The following USP3 variants were observed in gnomAD, a reference collection of about 807,000 sequenced individuals.
USP3 encodes ubiquitin carboxyl-terminal hydrolase 3.
USP3 carries 20 observed loss-of-function variants against 72.3 expected under a neutral mutation model. The observed-to-expected ratio is 0.28, with a 90% CI of 0.19 to 0.40. The LOEUF (loss-of-function observed/expected upper bound fraction) is 0.40, where lower values mean the gene tolerates loss of function less well. Among genes scored for constraint, USP3 ranks in the 10% least tolerant of loss-of-function variants. The pLI is 1.00. For missense variants in USP3, 479 were observed against 633.9 expected (o/e 0.76, Z 2.62); for synonymous variants, 222 against 225.3 (o/e 0.99, Z 0.13).
intron 1 of USP3, among the ~76,000 whole-genome samples, chr15:63,511,777 T>A (rs1308685114): frequency 6.6e-6 from 1 of 152,140 alleles, no homozygotes; most frequent in African/African-American, 2.4e-5. Context: ...AAGGAGAGAA[T>A]TCTTAAGGTA....
Position 63,504,643 on chromosome 15 carries a change from G to C in USP3, c.-97G>C. 1 of 1,104,176 alleles carries C rather than the reference G, an allele frequency of 9.1e-7. No individual in the cohort carries two copies. Among genetic ancestry groups the C allele is most frequent in the Non-Finnish European group, 1.2e-6 (1 of 809,674 alleles). 68.4% of individuals were successfully genotyped at this position (1,104,176 alleles called of 1,614,324 possible). On this transcript the variant is annotated 5_prime_UTR_variant, in exon 1 of 15. Coordinates refer to ENST00000380324, the MANE Select transcript of USP3 (RefSeq NM_006537.4). The stretch of plus-strand genomic sequence containing the variant: ...CGCAGCCGCCGTCGGCCGAGCGCCC[G>C]GCTAGAAGCGACACCAGACGGAGCC...
intron 1 of USP3, among the ~76,000 whole-genome samples, chr15:63,524,514 G>A (rs1168082268): frequency 6.6e-6 from 1 of 152,188 alleles, no homozygotes; most frequent in Non-Finnish European, 1.5e-5. Flanking sequence ...AAGAATTCAG[G>A]AAGAACTTGC....
rs60776150 is a variant in USP3, at chr15:63,580,660, A to ATATATATATATATATATAT, written c.1096+6257_1096+6258insTATATATATATATATATAT. 2.0e-3 allele frequency among the ~76,000 whole-genome samples: 229 copies of ATATATATATATATATATAT among 112,960 alleles called. 13 individuals carry two copies. Among genetic ancestry groups the ATATATATATATATATATAT allele is most frequent in the African/African-American group, 6.6e-3 (172 of 26,224 alleles). The allele number at this position is 112,960 out of a possible 152,430, so 74.1% of individuals were successfully genotyped here. Reference sequence around the variant, plus strand: ...GTGGTGCATATATATATGAATATATAATATATATATGAATATATAATATAT... The same window carrying ATATATATATATATATATAT: ...GTGGTGCATATATATATGAATATATATATATATATATATATATATATATATATATGAATATATAATATAT... On this transcript the variant is annotated intron_variant, in intron 11 of 14. Coordinates refer to ENST00000380324, the MANE Select transcript of USP3 (RefSeq NM_006537.4).
chr15:63,561,408 C>G lies in USP3; in HGVS notation c.647+1438C>G, dbSNP rs543426142. Among the ~76,000 whole-genome samples, 4 of 152,152 alleles carry G rather than the reference C, an allele frequency of 2.6e-5. No homozygotes were observed. In the East Asian group the frequency reaches 7.7e-4, roughly 29 times the overall value. ...GGTCTGGAGTCCGAGGCAGCAGCAC[C>G]GCAGTCACAGTCACCCCACAGAACT... is the stretch of plus-strand genomic sequence containing the variant. On this transcript the variant is annotated intron_variant, in intron 7 of 14. Coordinates refer to ENST00000380324, the MANE Select transcript of USP3 (RefSeq NM_006537.4).
chr15:63,588,262 A>C lies in USP3; in HGVS notation c.1097-43A>C, dbSNP rs1223827724. 1.4e-6 allele frequency: 2 copies of C among 1,460,372 alleles called. No individual in the cohort carries two copies. The highest frequency in any genetic ancestry group is 2.1e-5 in the Admixed American group (1 of 47,096). 90.5% of individuals were successfully genotyped at this position (1,460,372 alleles called of 1,614,324 possible). A position where few individuals can be genotyped will look rare whatever the true frequency, so the allele number is the denominator to read the frequency against. ...TTTTTCTACAGTACATTGCCTCTAC[A>C]AAAGGCATCTTGTTTTAATGCTGCC... On this transcript the variant is annotated intron_variant, in intron 11 of 14. Transcript: ENST00000380324. The surrounding 1 kb of genome is among the most constrained non-coding windows in gnomAD (Gnocchi z 4.6).
chr15:63,559,132 C>A (rs373429239), intron 6 of USP3, among the ~76,000 whole-genome samples: 12 of 152,270 alleles, frequency 7.9e-5, no homozygotes, highest in East Asian at 5.8e-4. Flanking sequence ...ATATAAATAA[C>A]TCCCAGAAGC....
chr15:63,507,915 TAA>T (rs1371289660), intron 1 of USP3, among the ~76,000 whole-genome samples: 1 of 152,086 alleles, frequency 6.6e-6, no homozygotes, highest in Non-Finnish European at 1.5e-5. Flanking sequence ...ACCCATAACA[TAA>T]ATTGACAGTT....
intron 1 of USP3, among the ~76,000 whole-genome samples, chr15:63,514,812 A>G (rs2065830601): frequency 6.6e-6 from 1 of 152,138 alleles, no homozygotes; most frequent in African/African-American, 2.4e-5. Context: ...GTTTACATTT[A>G]TGACCTGATT....
chr15:63,546,638 C>T (rs112228909), intron 3 of USP3, among the ~76,000 whole-genome samples: 3,569 of 152,160 alleles, frequency 0.023, 134 homozygotes, highest in African/African-American at 0.077. Flanking sequence ...CTTGCTCTGT[C>T]GCCCAGGCTG....
At position 63,544,649 on chromosome 15, in the gene USP3, G is replaced by GT. The variant is rs575024496; in HGVS notation, c.284+7494dup. On this transcript the variant is annotated intron_variant, in intron 3 of 14. Coordinates refer to ENST00000380324, the MANE Select transcript of USP3 (RefSeq NM_006537.4). This position sits in a 1 kb window ranked among gnomAD's most constrained non-coding sequence, Gnocchi z 4.2. ...CATTTTTGGAGAATGGGGGAAGAAT[G>GT]TAAAGATGGAGATGACCGAATGAGG... is the stretch of plus-strand genomic sequence containing the variant. 1.2e-3 allele frequency: 831 copies of GT among 699,614 alleles called. 12 individuals carry two copies. The South Asian group carries it at 0.012, about 10-fold the overall frequency. The allele number at this position is 699,614 out of a possible 1,614,324, so 43.3% of individuals were successfully genotyped here.
At chr15:63,555,565 AT>A (rs947733231) in intron 4 of USP3, among the ~76,000 whole-genome samples, 1 of 152,258 alleles carries the variant, frequency 6.6e-6, no homozygotes, top group Admixed American at 6.5e-5. Context: ...TGAGGATAAA[AT>A]TTAGTAACTT....
intron 2 of USP3, among the ~76,000 whole-genome samples, chr15:63,534,966 C>G (rs1016349411): frequency 1.3e-5 from 2 of 152,106 alleles, no homozygotes. Flanking sequence ...GAGTCTCACT[C>G]TGTCACCCAG....
chr15:63,580,242 G>A (rs1229507534), intron 11 of USP3, among the ~76,000 whole-genome samples: 1 of 152,084 alleles, frequency 6.6e-6, no homozygotes, highest in African/African-American at 2.4e-5. Flanking sequence ...TTCCATTTGT[G>A]TAAGATAAAA....
intron 1 of USP3, among the ~76,000 whole-genome samples, chr15:63,509,676 A>G (rs2065757400): frequency 6.6e-6 from 1 of 152,160 alleles, no homozygotes; most frequent in Non-Finnish European, 1.5e-5. Context: ...AGCTTAAGTC[A>G]AATGTCTTTC....
intron 3 of USP3, among the ~76,000 whole-genome samples, chr15:63,538,807 A>C (rs1200934993): frequency 6.6e-6 from 1 of 151,962 alleles, no homozygotes; most frequent in Non-Finnish European, 1.5e-5. Context: ...CGGCCTCCCA[A>C]AGGGTCTTTT....
Position 63,570,264 on chromosome 15 carries a change from A to C in USP3, c.762-169A>C, listed in dbSNP as rs1049375071. Among the ~76,000 whole-genome samples, 1 of 152,226 alleles carries C rather than the reference A, an allele frequency of 6.6e-6. No individual in the cohort carries two copies. Among genetic ancestry groups the C allele is most frequent in the Non-Finnish European group, 1.5e-5 (1 of 68,038 alleles). On this transcript the variant is annotated intron_variant, in intron 8 of 14. Coordinates refer to ENST00000380324, the MANE Select transcript of USP3 (RefSeq NM_006537.4). The surrounding 1 kb of genome is among the most constrained non-coding windows in gnomAD (Gnocchi z 4.4). ...TCTTAAACAGTAGAATTCATTCTTG[A>C]AGAGAAATTCTGTCACCTGTGGAGC...
intron 3 of USP3, among the ~76,000 whole-genome samples, chr15:63,548,184 T>C (rs1010315660): frequency 6.7e-6 from 1 of 149,898 alleles, no homozygotes; most frequent in Non-Finnish European, 1.5e-5. Context: ...AGCTGGAGTG[T>C]AGTGATGTGA....
At chr15:63,585,999 A>G (rs28517814) in intron 11 of USP3, among the ~76,000 whole-genome samples, 71,227 of 152,008 alleles carry the variant, frequency 0.47, 17,539 homozygotes, top group Non-Finnish European at 0.54. Flanking sequence ...ACTGACATCA[A>G]TAGTGAGTCT....
rs1443928441 is a variant in USP3 at position 63,589,391 on chromosome 15, T to TAA, written c.1397+381_1397+382dup. Among the ~76,000 whole-genome samples the TAA allele has an allele frequency of 1.3e-5, 2 of 152,224 alleles. 1 individual carries two copies. Among genetic ancestry groups the TAA allele is most frequent in the Admixed American group, 1.3e-4 (2 of 15,288 alleles). On this transcript the variant is annotated intron_variant, in intron 14 of 14. Coordinates refer to ENST00000380324, the MANE Select transcript of USP3 (RefSeq NM_006537.4). Reference sequence around the variant, plus strand: ...CATTTTAAGTCTTGTTAAAAAACATTAATTTTTTCCCCTGAAAGTTTGTAT... The same window carrying TAA: ...CATTTTAAGTCTTGTTAAAAAACATTAAAATTTTTTCCCCTGAAAGTTTGTAT...
Sources: gnomAD v4.1 joint callset for allele counts (sites outside exome capture counted in the v4.1 genomes callset) on GRCh38, gnomAD v4.1.1 for gene constraint, Gnocchi (gnomAD v3.1) non-coding constraint, MANE v1.5 for transcripts, NCBI Gene and HGNC (gene_info 2026-07-23, HGNC 2026-07-21) for gene names.